Variants in MVB12B observed in about 807,000 individuals in gnomAD.
MVB12B encodes the protein multivesicular body subunit 12B.
In MVB12B, 16 loss-of-function variants were observed where a neutral mutation model predicts 41.6. The ratio of observed to expected loss-of-function variants is 0.38; its 90% CI spans 0.26 to 0.58. The LOEUF (loss-of-function observed/expected upper bound fraction) is 0.58, where lower values mean the gene tolerates loss of function less well. Ranked by LOEUF, MVB12B falls within the 20% of genes least tolerant of loss-of-function variation. MVB12B has a pLI of 0.62. For missense variants in MVB12B, 274 were observed against 380.2 expected (o/e 0.72, Z 2.32); for synonymous variants, 133 against 139.7 (o/e 0.95, Z 0.34).
Position 126,340,811 on chromosome 9 carries a change from G to A in MVB12B, c.204+181G>A, listed in dbSNP as rs563372146. 1.3e-5 allele frequency among the ~76,000 whole-genome samples: 2 copies of A among 152,258 alleles called. No individual in the cohort carries two copies. The highest frequency in any genetic ancestry group is 2.1e-4 in the South Asian group (1 of 4,822). ...CAGAAGACCTGAGCCCATCTGGGCC[G>A]TTTCCTGGCCTTGACCACCTCTGTG... is the stretch of plus-strand genomic sequence containing the variant. On this transcript the variant is annotated intron_variant, in intron 2 of 9. Coordinates refer to ENST00000361171, the MANE Select transcript of MVB12B (RefSeq NM_033446.3). This position sits in a 1 kb window ranked among gnomAD's most constrained non-coding sequence, Gnocchi z 4.0.
chr9:126,462,054 A>G (rs980856261), intron 7 of MVB12B, among the ~76,000 whole-genome samples: 1 of 152,234 alleles, frequency 6.6e-6, no homozygotes, highest in Non-Finnish European at 1.5e-5. Flanking sequence ...TTTAAAATTA[A>G]ATGACGATAA....
At chr9:126,397,584 G>GGTTTTT in intron 6 of MVB12B, 1 of 985,264 alleles carries the variant, frequency 1.0e-6, no homozygotes, top group Non-Finnish European at 1.2e-6. Context: ...ATATGCAACA[G>GGTTTTT]GATAATTGAA....
intron 9 of MVB12B, among the ~76,000 whole-genome samples, chr9:126,490,010 CCAGA>C (rs1352174373): frequency 3.3e-5 from 5 of 152,180 alleles, no homozygotes; most frequent in African/African-American, 1.2e-4. Context: ...TTACGGTTCT[CCAGA>C]CAAAAGGCTG....
At chr9:126,458,139 C>T (rs1256868337) in intron 7 of MVB12B, among the ~76,000 whole-genome samples, 1 of 152,080 alleles carries the variant, frequency 6.6e-6, no homozygotes, top group Non-Finnish European at 1.5e-5. Flanking sequence ...TTCCACTGAC[C>T]CAATAAATGA....
At chr9:126,455,887 CTTTTTTT>C (rs3983803) in intron 7 of MVB12B, among the ~76,000 whole-genome samples, 6 of 103,050 alleles carry the variant, frequency 5.8e-5, no homozygotes, top group Non-Finnish European at 9.2e-5. Flanking sequence ...TTCTTTCTTT[CTTTTTTT>C]TTTTTTTTTT....
At chr9:126,357,533 T>G (rs1239462244) in intron 2 of MVB12B, among the ~76,000 whole-genome samples, 1 of 152,330 alleles carries the variant, frequency 6.6e-6, no homozygotes, top group East Asian at 1.9e-4. Context: ...TCTTTTAATC[T>G]TAACCATTCT....
chr9:126,404,488 G>A (rs943039155), intron 6 of MVB12B, among the ~76,000 whole-genome samples: 2 of 152,250 alleles, frequency 1.3e-5, no homozygotes, highest in Non-Finnish European at 2.9e-5. Context: ...GCCTGGAAGG[G>A]CTGGTGGGTA....
chr9:126,446,122 C>A (rs1193482312), intron 7 of MVB12B, among the ~76,000 whole-genome samples: 1 of 151,976 alleles, frequency 6.6e-6, no homozygotes, highest in Non-Finnish European at 1.5e-5. Flanking sequence ...TTAAAGGACC[C>A]ATTCTCTATT....
intron 2 of MVB12B, among the ~76,000 whole-genome samples, chr9:126,370,342 G>A (rs1221955450): frequency 1.3e-5 from 2 of 150,034 alleles, no homozygotes; most frequent in Non-Finnish European, 3.0e-5. Context: ...CATTTTGCTT[G>A]TGGGTGATGT....
intron 9 of MVB12B, among the ~76,000 whole-genome samples, chr9:126,493,315 ATCTT>A (rs1180017100): frequency 2.0e-5 from 3 of 152,126 alleles, no homozygotes; most frequent in African/African-American, 7.2e-5. Flanking sequence ...AATGTTGGCG[ATCTT>A]TCTTTGACTC....
At chr9:126,405,058 G>A (rs1233958967) in intron 6 of MVB12B, among the ~76,000 whole-genome samples, 2 of 152,194 alleles carry the variant, frequency 1.3e-5, no homozygotes, top group African/African-American at 4.8e-5. Flanking sequence ...GGAAGTCAGA[G>A]CTTCTATTTA....
chr9:126,497,610 T>A (rs755536369), intron 9 of MVB12B, among the ~76,000 whole-genome samples: 1 of 152,138 alleles, frequency 6.6e-6, no homozygotes, highest in Non-Finnish European at 1.5e-5. Flanking sequence ...AAAGAGAGCA[T>A]TGAACAAGGA....
intron 7 of MVB12B, among the ~76,000 whole-genome samples, chr9:126,458,250 C>A (rs1833024935): frequency 6.6e-6 from 1 of 152,202 alleles, no homozygotes; most frequent in Non-Finnish European, 1.5e-5. Context: ...TGTGCCCAGG[C>A]TCAGCCTCAC....
intron 2 of MVB12B, among the ~76,000 whole-genome samples, chr9:126,353,952 A>G (rs1829816769): frequency 6.6e-6 from 1 of 152,220 alleles, no homozygotes. Context: ...ACCAATTTAT[A>G]TATACTCCTA....
intron 2 of MVB12B, among the ~76,000 whole-genome samples, chr9:126,378,776 G>A (rs73668003): frequency 6.6e-6 from 1 of 151,982 alleles, no homozygotes; most frequent in Non-Finnish European, 1.5e-5. Flanking sequence ...TTAATGCTTC[G>A]CAGACAAGGA....
At chr9:126,451,889 C>T (rs1832895319) in intron 7 of MVB12B, among the ~76,000 whole-genome samples, 1 of 152,186 alleles carries the variant, frequency 6.6e-6, no homozygotes, top group Non-Finnish European at 1.5e-5. Context: ...TGATCCCAAG[C>T]TGTTTGCCGA....
chr9:126,329,991 G>A (rs1829084016), intron 1 of MVB12B, among the ~76,000 whole-genome samples: 1 of 147,674 alleles, frequency 6.8e-6, no homozygotes, highest in South Asian at 2.2e-4. Context: ...GCTTCCCTGC[G>A]CTGTCTGCAC....
At chr9:126,431,050 A>G (rs1832316092) in intron 7 of MVB12B, among the ~76,000 whole-genome samples, 1 of 152,182 alleles carries the variant, frequency 6.6e-6, no homozygotes, top group African/African-American at 2.4e-5. Context: ...GAGCCCAAAG[A>G]CTTGTTGAGA....
chr9:126,399,750 C>G (rs954338134), intron 6 of MVB12B, among the ~76,000 whole-genome samples: 4 of 152,272 alleles, frequency 2.6e-5, no homozygotes, highest in South Asian at 4.1e-4. Flanking sequence ...CTGCAGCCCT[C>G]TAGCTCAGCA....
Sources: allele counts gnomAD v4.1 joint callset (sites outside exome capture counted in the v4.1 genomes callset), GRCh38; gene constraint gnomAD v4.1.1; non-coding constraint Gnocchi (gnomAD v3.1); transcripts MANE v1.5; gene names NCBI Gene and HGNC (gene_info 2026-07-23, HGNC 2026-07-21).